Variants in ERC1 observed in about 807,000 individuals in gnomAD.
ERC1 encodes ELKS/RAB6-interacting/CAST family member 1, also known as RAB6 interacting protein 2.
In ERC1, 56 loss-of-function variants were observed where a neutral mutation model predicts 132.0. The observed-to-expected ratio is 0.42, with a 90% CI of 0.34 to 0.53. The LOEUF (loss-of-function observed/expected upper bound fraction) is 0.53. ERC1 is among the 20% of genes least tolerant of loss of function. The pLI, the probability that ERC1 is intolerant of heterozygous loss-of-function variation, is 0.03. For synonymous variants in ERC1, 478 were observed against 476.1 expected (o/e 1.00, Z -0.05); for missense variants, 1,202 against 1,349.9 (o/e 0.89, Z 1.72).
At chr12:1,125,723 G>C (rs1948088654) in intron 7 of ERC1, among the ~76,000 whole-genome samples, 1 of 152,228 alleles carries the variant, frequency 6.6e-6, no homozygotes, top group Non-Finnish European at 1.5e-5. Context: ...GCTGAGGCAG[G>C]AGAATCACTT....
intron 12 of ERC1, among the ~76,000 whole-genome samples, chr12:1,219,317 C>G (rs1958739209): frequency 1.3e-5 from 2 of 152,180 alleles, no homozygotes; most frequent in Non-Finnish European, 2.9e-5. Context: ...TTACTCAGAA[C>G]AGATCTCTTG....
intron 3 of ERC1, among the ~76,000 whole-genome samples, chr12:1,103,986 C>CA (rs1343519696): frequency 7.6e-6 from 1 of 132,058 alleles, no homozygotes; most frequent in Non-Finnish European, 1.7e-5. Context: ...AGCCTGTCCC[C>CA]AGGGTACTTG....
chr12:1,241,917 GGT>G (rs1458149704), intron 13 of ERC1, among the ~76,000 whole-genome samples: 2 of 132,328 alleles, frequency 1.5e-5, no homozygotes. Flanking sequence ...GGAGTGCAGT[GGT>G]GTGATCTCGG....
intron 15 of ERC1, among the ~76,000 whole-genome samples, chr12:1,322,649 G>A (rs750751526): frequency 1.3e-5 from 2 of 152,078 alleles, no homozygotes; most frequent in Non-Finnish European, 2.9e-5. Flanking sequence ...ATTCTCAGCT[G>A]TTTCTTTTAG....
At chr12:1,059,750 G>T (rs1172865652) in intron 2 of ERC1, among the ~76,000 whole-genome samples, 1 of 152,072 alleles carries the variant, frequency 6.6e-6, no homozygotes, top group Non-Finnish European at 1.5e-5. Context: ...GTATGTTGTT[G>T]AGGATTTTTG....
intron 5 of ERC1, 131 bp downstream of exon 5, chr12:1,110,478 A>G (rs1029445450): frequency 1.4e-6 from 1 of 700,634 alleles, no homozygotes; most frequent in South Asian, 2.9e-5. Flanking sequence ...TACTTTTAGC[A>G]TAGTTCTTTC....
At chr12:1,081,236 A>G (rs991490971) in intron 2 of ERC1, among the ~76,000 whole-genome samples, 1 of 152,168 alleles carries the variant, frequency 6.6e-6, no homozygotes, top group African/African-American at 2.4e-5. Context: ...TTACATAACC[A>G]TTCAGATTAA....
chr12:1,180,427 C>G, intron 8 of ERC1, 113 bp from the exon 9 acceptor site: 1 of 871,002 alleles, frequency 1.1e-6, no homozygotes, highest in Non-Finnish European at 1.7e-6. Flanking sequence ...CTACAGAATG[C>G]ACACACACAG....
At chr12:1,481,351 A>C (rs563354190) in intron 18 of ERC1, among the ~76,000 whole-genome samples, 2 of 152,348 alleles carry the variant, frequency 1.3e-5, no homozygotes, top group Admixed American at 6.5e-5. Flanking sequence ...TCTCTTTCCT[A>C]AGCAATCTAA....
chr12:1,199,665 C>T (rs1956718119), intron 12 of ERC1, among the ~76,000 whole-genome samples: 1 of 151,776 alleles, frequency 6.6e-6, no homozygotes, highest in Non-Finnish European at 1.5e-5. Flanking sequence ...GTAATCCCAG[C>T]TATTTGGTAG....
At chr12:1,414,844 ATG>A (rs758275991) in intron 17 of ERC1, among the ~76,000 whole-genome samples, 3 of 151,856 alleles carry the variant, frequency 2.0e-5, no homozygotes, top group African/African-American at 4.8e-5. Flanking sequence ...GTAAATATAT[ATG>A]TGTGTGTGTG....
Position 1,141,792 on chromosome 12 carries a change from GGTACAGGT to G in ERC1, c.1737+8_1737+15del. ...GTTAATGTTCTTCAGAAGAAGGTAA[GGTACAGGT>G]GTTTCGAGTTCAGTGGCCCATTCCT... On this transcript the variant is annotated splice_donor_region_variant and intron_variant, in intron 8 of 18. Coordinates refer to ENST00000360905, the MANE Select transcript of ERC1 (RefSeq NM_178040.4). 6.4e-7 allele frequency: 1 copy of G among 1,563,084 alleles called. No individual in the cohort carries two copies. Among genetic ancestry groups the G allele is most frequent in the South Asian group, 1.2e-5 (1 of 80,838 alleles).
At position 1,481,773 on chromosome 12, in the gene ERC1, G is replaced by GT. The variant is rs920485264; in HGVS notation, c.3214-8311dup. Among the ~76,000 whole-genome samples, 10 of 151,356 alleles carry GT rather than the reference G, an allele frequency of 6.6e-5. No homozygotes were observed. The South Asian group carries it at 1.5e-3, about 22-fold the overall frequency. ...AGCGTAGCCTTGTAGTCTGCCTCTG[G>GT]TTTTTTTTTCTCCTTAATCTTATTC... On this transcript the variant is annotated intron_variant, in intron 18 of 18. Transcript: ENST00000360905.
intron 2 of ERC1, among the ~76,000 whole-genome samples, chr12:1,077,560 A>G (rs1941547039): frequency 6.6e-6 from 1 of 152,200 alleles, no homozygotes; most frequent in Non-Finnish European, 1.5e-5. Flanking sequence ...TTTTAGACAA[A>G]TACTTTCCCA....
chr12:1,403,561 C>A (rs1175652064), intron 16 of ERC1, among the ~76,000 whole-genome samples: 1 of 152,160 alleles, frequency 6.6e-6, no homozygotes, highest in Non-Finnish European at 1.5e-5. Flanking sequence ...AAACTTTGAT[C>A]ATCTTCGTGT....
At chr12:1,444,896 G>T (rs953579505) in intron 18 of ERC1, 146 bp downstream of exon 18, 8 of 576,786 alleles carry the variant, frequency 1.4e-5, no homozygotes, top group African/African-American at 9.5e-5. Flanking sequence ...TGCTGTGTAG[G>T]TTCATGCAGT....
chr12:1,075,682 C>G (rs1018052712), intron 2 of ERC1, among the ~76,000 whole-genome samples: 10 of 151,228 alleles, frequency 6.6e-5, no homozygotes, highest in African/African-American at 2.4e-4. Flanking sequence ...CAAAAGTGCA[C>G]TCCATTGCAC....
At chr12:1,406,073 G>A (rs899454774) in intron 16 of ERC1, among the ~76,000 whole-genome samples, 7 of 152,154 alleles carry the variant, frequency 4.6e-5, no homozygotes, top group Non-Finnish European at 4.4e-5. Flanking sequence ...TTGGGTGTCA[G>A]TTTTACGCCA....
At chr12:1,241,281 A>C (rs1177386564) in intron 13 of ERC1, among the ~76,000 whole-genome samples, 1 of 152,162 alleles carries the variant, frequency 6.6e-6, no homozygotes, top group African/African-American at 2.4e-5. Flanking sequence ...CGTTTTTCAC[A>C]TGTAATGATC....
Sources: gnomAD v4.1 joint callset for allele counts (sites outside exome capture counted in the v4.1 genomes callset) on GRCh38, gnomAD v4.1.1 for gene constraint, MANE v1.5 for transcripts, NCBI Gene and HGNC (gene_info 2026-07-23, HGNC 2026-07-21) for gene names.